SMARCA5: variants seen among roughly 807,000 people sequenced by gnomAD.
SMARCA5 encodes SNF2 related chromatin remodeling ATPase 5, also known as SWI/SNF-related matrix-associated actin-dependent regulator of chromatin subfamily A member 5.
In SMARCA5, 18 loss-of-function variants were observed where a neutral mutation model predicts 140.4. That is an observed-to-expected ratio of 0.13 (90% CI 0.09 to 0.19). The LOEUF (loss-of-function observed/expected upper bound fraction) is 0.19, where lower values mean the gene tolerates loss of function less well. Among genes scored for constraint, SMARCA5 ranks in the 10% least tolerant of loss-of-function variants. The pLI, the probability that SMARCA5 is intolerant of heterozygous loss-of-function variation, is 1.00. For missense variants in SMARCA5, 606 were observed against 1,276.8 expected (o/e 0.47, Z 8.01); for synonymous variants, 449 against 419.6 (o/e 1.07, Z -0.86).
chr4:143,542,007 G>A (rs1489452385), intron 14 of SMARCA5, among the ~76,000 whole-genome samples: 3 of 151,728 alleles, frequency 2.0e-5, no homozygotes, highest in Admixed American at 6.6e-5. Flanking sequence ...ACAGATGCCC[G>A]CCACCACACC....
chr4:143,522,359 A>G (rs1736980078), intron 3 of SMARCA5, among the ~76,000 whole-genome samples: 2 of 152,206 alleles, frequency 1.3e-5, no homozygotes, highest in Admixed American at 1.3e-4. Context: ...TTAATTAGTA[A>G]TAGTAGATTT....
chr4:143,531,542 T>C (rs369874829), intron 9 of SMARCA5, among the ~76,000 whole-genome samples: 2 of 152,208 alleles, frequency 1.3e-5, no homozygotes, highest in African/African-American at 4.8e-5. Context: ...CTGTGTATTG[T>C]AGCATGTTTA....
intron 6 of SMARCA5, among the ~76,000 whole-genome samples, chr4:143,527,512 T>C (rs573149464): frequency 6.6e-6 from 1 of 152,344 alleles, no homozygotes; most frequent in South Asian, 2.1e-4. Flanking sequence ...TACTGCTAAC[T>C]ATCTTTCCAC....
At chr4:143,542,079 T>C (rs12499431) in intron 14 of SMARCA5, among the ~76,000 whole-genome samples, 151,128 of 152,162 alleles carry the variant, frequency 0.99, 75,061 homozygotes, top group Middle Eastern at 1. Flanking sequence ...AGGCTGGTCT[T>C]GAACTCCTGA....
chr4:143,514,053 GGCGGTTGCGTCT>G lies in SMARCA5; in HGVS notation c.134_145del (p.Val45_Ala48del). 1 of 1,561,766 alleles carries G rather than the reference GGCGGTTGCGTCT, an allele frequency of 6.4e-7. No individual in the cohort carries two copies. Among genetic ancestry groups the G allele is most frequent in the Non-Finnish European group, 8.6e-7 (1 of 1,162,226 alleles). The stretch of plus-strand genomic sequence containing the variant: ...GCGGCCCCGAAGGCGTCGCGGCGCA[GGCGGTTGCGTCT>G]GCGGCCAGCGCTGGTCCCGCAGACG... On this transcript the variant is annotated inframe_deletion, in exon 1 of 24. Transcript: ENST00000283131.
Position 143,545,452 on chromosome 4 carries a change from A to G in SMARCA5, c.2284-18A>G, listed in dbSNP as rs1230060551. The G allele has an allele frequency of 1.3e-6, 2 of 1,513,672 alleles. No homozygotes were observed. Among genetic ancestry groups the G allele is most frequent in the Non-Finnish European group, 1.8e-6 (2 of 1,090,160 alleles). The allele number at this position is 1,513,672 out of a possible 1,614,324, so 93.8% of individuals were successfully genotyped here. ...AATTTCTTTTTTATGGATAACACTT[A>G]TTTTTGTTTTTCTTTAGGCTCCTCG... On this transcript the variant is annotated intron_variant, in intron 17 of 23. Transcript: ENST00000283131.
chr4:143,525,045 CTTTTT>C (rs57339802), intron 4 of SMARCA5, among the ~76,000 whole-genome samples: 1 of 137,590 alleles, frequency 7.3e-6, no homozygotes, highest in Non-Finnish European at 1.6e-5. Flanking sequence ...TTTCCTATTT[CTTTTT>C]TTTTTTTTTT....
intron 3 of SMARCA5, among the ~76,000 whole-genome samples, chr4:143,523,801 T>C (rs1467279970): frequency 2.0e-5 from 3 of 152,252 alleles, no homozygotes; most frequent in African/African-American, 7.2e-5. Flanking sequence ...TAAGTATTAA[T>C]AGTTTTACTG....
At chr4:143,548,245 GTTACAAT>G in intron 22 of SMARCA5, 105 bp downstream of exon 22, 1 of 620,444 alleles carries the variant, frequency 1.6e-6, no homozygotes, top group South Asian at 2.5e-5. Context: ...GTAGACTTTT[GTTACAAT>G]ATTGTTAGTA....
chr4:143,523,607 A>AC (rs1560812897), intron 3 of SMARCA5, among the ~76,000 whole-genome samples: 1 of 152,196 alleles, frequency 6.6e-6, no homozygotes, highest in Non-Finnish European at 1.5e-5. Flanking sequence ...ATATATAACA[A>AC]ACAAGAAGGC....
At chr4:143,526,582 A>G (rs1026071231) in intron 6 of SMARCA5, 122 bp downstream of exon 6, 3 of 676,884 alleles carry the variant, frequency 4.4e-6, no homozygotes, top group Non-Finnish European at 7.5e-6. Flanking sequence ...AGTATTTACA[A>G]ATGTAGCATT....
At chr4:143,526,565 A>G (rs1243129105) in intron 6 of SMARCA5, 105 bp downstream of exon 6, 4 of 729,862 alleles carry the variant, frequency 5.5e-6, no homozygotes, top group Middle Eastern at 3.8e-4. Context: ...GGATCTTCGC[A>G]AATATTAGTA....
At chr4:143,526,171 T>A (rs1737068610) in intron 5 of SMARCA5, 110 bp from the exon 6 acceptor site, 1 of 875,006 alleles carries the variant, frequency 1.1e-6, no homozygotes, top group Non-Finnish European at 1.8e-6. Context: ...ATTTATTAAC[T>A]GTTATAAATA....
intron 2 of SMARCA5, among the ~76,000 whole-genome samples, chr4:143,518,148 A>G (rs1736880211): frequency 6.6e-6 from 1 of 152,188 alleles, no homozygotes. Context: ...TTTATATTAT[A>G]GATGGGGTCT....
intron 18 of SMARCA5, 87 bp downstream of exon 18, chr4:143,545,670 G>A: frequency 1.1e-6 from 1 of 877,004 alleles, no homozygotes. Flanking sequence ...TATCTAATTT[G>A]GACCTAGTGT....
At chr4:143,528,515 G>A (rs750641941) in intron 7 of SMARCA5, 68 bp from the exon 8 acceptor site, 368 of 1,405,424 alleles carry the variant, frequency 2.6e-4, no homozygotes, top group Admixed American at 3.8e-4. Context: ...TTGGTTCCAG[G>A]TCTTTGCTGT....
intron 8 of SMARCA5, among the ~76,000 whole-genome samples, chr4:143,529,059 C>T (rs1258591119): frequency 2.0e-5 from 3 of 152,082 alleles, no homozygotes; most frequent in African/African-American, 2.4e-5. Context: ...CTCAGCCTTC[C>T]GAATAGCTGA....
intron 2 of SMARCA5, among the ~76,000 whole-genome samples, chr4:143,519,844 C>T (rs2149816516): frequency 6.6e-6 from 1 of 152,196 alleles, no homozygotes; most frequent in South Asian, 2.1e-4. Flanking sequence ...AAAATGTCCC[C>T]ACTCTGATCA....
Position 143,514,008 on chromosome 4 carries a change from G to A in SMARCA5, c.84G>A (p.Gly28=). Residue 28 remains glycine (G), a synonymous_variant, in exon 1 of 24, where the codon GGG becomes GGA. Coordinates refer to ENST00000283131, the MANE Select transcript of SMARCA5 (RefSeq NM_003601.4). ...CCGCAGCCTCGATCGCCAGCGGCGGGAGCAACAGCAGCAACAAAGGCGGCC... is the reference window on the plus strand; with the variant it reads ...CCGCAGCCTCGATCGCCAGCGGCGGAAGCAACAGCAGCAACAAAGGCGGCC... ...SKPAASIASG[G]SNSSNKGGPE... The A allele has an allele frequency of 6.4e-7, 1 of 1,552,892 alleles. No individual in the cohort carries two copies.
Sources: gnomAD v4.1 joint callset for allele counts (sites outside exome capture counted in the v4.1 genomes callset) on GRCh38, gnomAD v4.1.1 for gene constraint, MANE v1.5 for transcripts, NCBI Gene and HGNC (gene_info 2026-07-23, HGNC 2026-07-21) for gene names.